The following CUL4B variants were observed in gnomAD, a reference collection of about 807,000 sequenced individuals.
The protein encoded by CUL4B is cullin 4B.
Under a neutral mutation model 69.2 loss-of-function variants are expected in CUL4B, and 1 was observed. The observed-to-expected ratio is 0.01, with a 90% CI of 0.01 to 0.07. CUL4B has a LOEUF of 0.07. Ranked by LOEUF, CUL4B falls within the 10% of genes least tolerant of loss-of-function variation. The pLI is 1.00. For missense variants in CUL4B, 328 were observed against 638.8 expected (o/e 0.51, Z 5.24); for synonymous variants, 237 against 223.2 (o/e 1.06, Z -0.55).
intron 15 of CUL4B, 44 bp from the exon 16 acceptor site, chrX:120,535,987 T>C: frequency 1.1e-6 from 1 of 902,545 alleles, no homozygotes; most frequent in Non-Finnish European, 1.6e-6. Context: ...CTGTATCCAA[T>C]ACCACATTTA....
Position 120,573,888 on chromosome X carries a change from A to G in CUL4B, c.67+663T>C, listed in dbSNP as rs201582033. Among the ~76,000 whole-genome samples, 8 of 110,932 alleles carry G rather than the reference A, an allele frequency of 7.2e-5. No homozygotes were observed. The East Asian group carries it at 1.4e-3, about 20-fold the overall frequency. ...GCCCAGGCTGGAGTGCAATGGCACAATCTCTGCTCACTGCAAGCTCCGCCT... is the reference window on the plus strand; with the variant it reads ...GCCCAGGCTGGAGTGCAATGGCACAGTCTCTGCTCACTGCAAGCTCCGCCT... On this transcript the variant is annotated intron_variant, in intron 2 of 2. Transcript: ENST00000486604.
chrX:120,560,505 C>T lies in CUL4B; in HGVS notation c.134G>A (p.Ser45Asn). ...SAKKRKLNSS[S>N]SSSSNSSNER... ...GTTACTACTGTTACTGCTGCTACTG[C>T]TGCTGCTGTTTAACTTTCTCTTCTT... Residue 45 changes from serine to asparagine, a missense_variant, in exon 1 of 20, where the codon AGC (serine) becomes AAC (asparagine). By Grantham distance (46) the Ser-to-Asn change is conservative. Coordinates refer to ENST00000371322, the MANE Select transcript of CUL4B (RefSeq NM_001079872.2). 8.3e-7 allele frequency: 1 copy of T among 1,210,893 alleles called. No individual in the cohort carries two copies. The highest frequency in any genetic ancestry group is 1.1e-6 in the Non-Finnish European group (1 of 894,989).
At chrX:120,541,473 T>C in intron 10 of CUL4B, 129 bp downstream of exon 10, 1 of 532,022 alleles carries the variant, frequency 1.9e-6, no homozygotes. Flanking sequence ...CACTCCAGCC[T>C]GGGTGACGAG....
chrX:120,543,685 A>C, intron 8 of CUL4B, 42 bp downstream of exon 8: 3 of 967,477 alleles, frequency 3.1e-6, no homozygotes, highest in Non-Finnish European at 3.0e-6. Flanking sequence ...CAAGTGATTT[A>C]ACGACAGTTT....
In CUL4B at chrX:120,526,445, C is replaced by G; in HGVS notation, c.*316G>C. The G allele has an allele frequency of 4.8e-6, 1 of 206,602 alleles. No homozygotes were observed. Among genetic ancestry groups the G allele is most frequent in the East Asian group, 1.3e-4 (1 of 7,931 alleles). The allele number at this position is 206,602 out of a possible 1,213,427, so 17.0% of individuals were successfully genotyped here. ...TTAATGGTGTGTAAGAACCCTCCCC[C>G]CTTTTTAATAGCCACAGGGATCTCT... On this transcript the variant is annotated 3_prime_UTR_variant, in exon 20 of 20. Coordinates refer to ENST00000371322, the MANE Select transcript of CUL4B (RefSeq NM_001079872.2).
downstream of CUL4B, among the ~76,000 whole-genome samples, chrX:120,567,669 A>G (rs907563552): frequency 9.6e-6 from 1 of 104,251 alleles, no homozygotes; most frequent in East Asian, 3.1e-4. Flanking sequence ...GCTTGAAGCC[A>G]GGAGTTCAAG....
chrX:120,543,422 C>T (rs577140757), intron 8 of CUL4B, among the ~76,000 whole-genome samples: 54 of 109,666 alleles, frequency 4.9e-4, no homozygotes, highest in African/African-American at 1.6e-3. Context: ...TAGGGGAATC[C>T]ACTGAATTTT....
At chrX:120,543,324 G>A (rs1569391178) in intron 8 of CUL4B, among the ~76,000 whole-genome samples, 1 of 111,332 alleles carries the variant, frequency 9.0e-6, no homozygotes, top group African/African-American at 3.3e-5. Context: ...CTTTTTCCAA[G>A]TTTTGCTACT....
rs756152694 is a variant in CUL4B, at chrX:120,543,015, A to G, written c.1275T>C (p.Thr425=). Residue 425 remains threonine, a synonymous_variant, in exon 9 of 20, where the codon ACT becomes ACC. Coordinates refer to ENST00000371322, the MANE Select transcript of CUL4B (RefSeq NM_001079872.2). ...DQTTQKSLIA[T]VEKQLLGEHL... ...GTTCACCTAGAAGTTGTTTTTCTAC[A>G]GTAGCAATTAATGACTTCCTACAAG... 1.1e-5 allele frequency: 13 copies of G among 1,185,869 alleles called. No homozygotes were observed. The highest frequency in any genetic ancestry group is 1.5e-5 in the Non-Finnish European group (13 of 875,029).
intron 2 of CUL4B, among the ~76,000 whole-genome samples, chrX:120,557,051 ACAGGCATG>A (rs1925018642): frequency 1.8e-5 from 2 of 109,201 alleles, no homozygotes; most frequent in Non-Finnish European, 3.8e-5. Flanking sequence ...AGCTGGGATT[ACAGGCATG>A]CACCACATTG....
chrX:120,541,106 A>G (rs1433652187), intron 10 of CUL4B, among the ~76,000 whole-genome samples: 2 of 112,610 alleles, frequency 1.8e-5, no homozygotes, highest in South Asian at 3.6e-4. Context: ...TCAGCCATCA[A>G]TCAGGTTTTA....
intron 19 of CUL4B, among the ~76,000 whole-genome samples, chrX:120,529,812 A>G (rs747542233): frequency 9.9e-5 from 11 of 111,602 alleles, no homozygotes; most frequent in Non-Finnish European, 2.1e-4. Flanking sequence ...TAACCAACCA[A>G]GAAGTTCAAA....
At chrX:120,533,992 G>A (rs1440485198) in intron 17 of CUL4B, among the ~76,000 whole-genome samples, 1 of 110,493 alleles carries the variant, frequency 9.1e-6, no homozygotes, top group Non-Finnish European at 1.9e-5. Flanking sequence ...CTTGAACACA[G>A]GAGGCAGAGG....
intron 2 of CUL4B, among the ~76,000 whole-genome samples, chrX:120,548,527 G>A (rs950173960): frequency 2.4e-4 from 27 of 111,572 alleles, no homozygotes; most frequent in African/African-American, 8.5e-4. Flanking sequence ...TTTAAGAATA[G>A]TTAAATATAG....
At chrX:120,532,987 G>T (rs1172929335) in intron 17 of CUL4B, among the ~76,000 whole-genome samples, 1 of 112,203 alleles carries the variant, frequency 8.9e-6, no homozygotes, top group Non-Finnish European at 1.9e-5. Context: ...CCAGTTGCAC[G>T]TTTAAAGGGC....
In CUL4B at chrX:120,560,789, G is replaced by A; in HGVS notation, c.-151C>T. On this transcript the variant is annotated 5_prime_UTR_variant, in exon 1 of 20. Transcript: ENST00000371322. ...GGACGAGAAGGAAAGTGAAGGGGGG[G>A]GCTACACCGGGGGAATGGGAGGGTT... The A allele has an allele frequency of 8.3e-6, 3 of 363,330 alleles. No individual in the cohort carries two copies. Among genetic ancestry groups the A allele is most frequent in the Non-Finnish European group, 1.1e-5 (3 of 262,176 alleles). 29.9% of individuals were successfully genotyped at this position (363,330 alleles called of 1,213,427 possible).
At chrX:120,541,391 T>G (rs942450079) in intron 10 of CUL4B, among the ~76,000 whole-genome samples, 3 of 110,561 alleles carry the variant, frequency 2.7e-5, no homozygotes, top group African/African-American at 6.6e-5. Context: ...CCTAGCTACT[T>G]GGGAGGCTGA....
In CUL4B at chrX:120,542,220, T is replaced by C. The variant is rs138353119; in HGVS notation, c.1325-500A>G. Among the ~76,000 whole-genome samples, 774 of 112,098 alleles carry C rather than the reference T, an allele frequency of 6.9e-3. 4 individuals are homozygous for C. The highest frequency in any genetic ancestry group is 0.014 in the Middle Eastern group (3 of 217). Reference sequence around the variant, plus strand: ...ATATACATTATAAATACCTCATATATGTAGTAGCCATATTATGTACATAGT... The same window carrying C: ...ATATACATTATAAATACCTCATATACGTAGTAGCCATATTATGTACATAGT... On this transcript the variant is annotated intron_variant, in intron 9 of 19. Coordinates refer to ENST00000371322, the MANE Select transcript of CUL4B (RefSeq NM_001079872.2).
chrX:120,544,083 T>G, intron 7 of CUL4B, 31 bp downstream of exon 7: 1 of 920,867 alleles, frequency 1.1e-6, no homozygotes, highest in Non-Finnish European at 1.6e-6. Context: ...TGAGAGACAG[T>G]GAGAATTTAT....
Sources: allele counts gnomAD v4.1 joint callset (sites outside exome capture counted in the v4.1 genomes callset), GRCh38; gene constraint gnomAD v4.1.1; transcripts MANE v1.5; gene names NCBI Gene and HGNC (gene_info 2026-07-23, HGNC 2026-07-21).